The following PLXDC2 variants were observed in gnomAD, a reference collection of about 807,000 sequenced individuals.
The protein encoded by PLXDC2 is plexin domain containing 2, also known as plexin domain-containing protein 2.
Under a neutral mutation model 68.9 loss-of-function variants are expected in PLXDC2, and 40 were observed. The ratio of observed to expected loss-of-function variants is 0.58; its 90% confidence interval spans 0.45 to 0.76. The LOEUF (loss-of-function observed/expected upper bound fraction) is 0.76. Among genes scored for constraint, PLXDC2 ranks in the 30% least tolerant of loss-of-function variants. The pLI, the probability that PLXDC2 is intolerant of heterozygous loss-of-function variation, is 0.00. For synonymous variants in PLXDC2, 243 were observed against 234.2 expected (o/e 1.04, Z -0.34); for missense variants, 644 against 661.9 (o/e 0.97, Z 0.30).
intron 9 of PLXDC2, among the ~76,000 whole-genome samples, chr10:20,186,130 C>G (rs974020847): frequency 7.2e-5 from 11 of 151,850 alleles, no homozygotes; most frequent in Admixed American, 2.0e-4. Context: ...GGACAAAATC[C>G]ATTTTTGTCT....
chr10:20,043,502 A>G lies in PLXDC2; in HGVS notation c.325-3367A>G, dbSNP rs1209427861. ...ACTAATCACAGAAATCCAGAGATTA[A>G]GGAAAATGCCAAGGTTATTTTATAA... On this transcript the variant is annotated intron_variant, in intron 2 of 13. Coordinates refer to ENST00000377252, the MANE Select transcript of PLXDC2 (RefSeq NM_032812.9). The G allele has an allele frequency of 5.3e-5, 8 of 152,192 alleles. No homozygotes were observed. The East Asian group carries it at 1.2e-3, about 22-fold the overall frequency. The allele number at this position is 152,192 out of a possible 1,614,324, so 9.4% of individuals were successfully genotyped here.
chr10:19,874,273 A>G (rs1837594110), intron 1 of PLXDC2, among the ~76,000 whole-genome samples: 1 of 152,192 alleles, frequency 6.6e-6, no homozygotes, highest in African/African-American at 2.4e-5. Flanking sequence ...TTTGAGATAA[A>G]GCCTTTTTTC....
At chr10:20,172,611 G>A (rs529528924) in intron 7 of PLXDC2, among the ~76,000 whole-genome samples, 1 of 152,150 alleles carries the variant, frequency 6.6e-6, no homozygotes, top group Non-Finnish European at 1.5e-5. Flanking sequence ...GTGTTTATCA[G>A]TTAATGTCTT....
intron 4 of PLXDC2, among the ~76,000 whole-genome samples, chr10:20,120,656 CG>C (rs1468920938): frequency 1.3e-5 from 2 of 151,826 alleles, no homozygotes; most frequent in Non-Finnish European, 2.9e-5. Flanking sequence ...TTATCTGACT[CG>C]GGGCATATTG....
At chr10:19,924,339 C>T (rs1057403059) in intron 1 of PLXDC2, among the ~76,000 whole-genome samples, 2 of 152,136 alleles carry the variant, frequency 1.3e-5, no homozygotes, top group Non-Finnish European at 2.9e-5. Flanking sequence ...GCCTCCCATT[C>T]CCAACCCCCT....
At chr10:20,020,658 A>G (rs964163501) in intron 2 of PLXDC2, among the ~76,000 whole-genome samples, 1 of 152,128 alleles carries the variant, frequency 6.6e-6, no homozygotes, top group Non-Finnish European at 1.5e-5. Context: ...TTAAAGCTTT[A>G]GGCTATTTTT....
chr10:19,920,426 TC>T (rs1254472876), intron 1 of PLXDC2, among the ~76,000 whole-genome samples: 1 of 152,162 alleles, frequency 6.6e-6, no homozygotes, highest in Non-Finnish European at 1.5e-5. Context: ...TGGCTGGACA[TC>T]CAGAGGAGCA....
chr10:19,837,157 C>T (rs931738755), intron 1 of PLXDC2, among the ~76,000 whole-genome samples: 1 of 151,096 alleles, frequency 6.6e-6, no homozygotes, highest in African/African-American at 2.4e-5. Context: ...ACTAAAAGGG[C>T]TGATTGTAAT....
At position 19,907,539 on chromosome 10, in the gene PLXDC2, A is replaced by G. The variant is rs193120457; in HGVS notation, c.112+90348A>G. ...GCAGAACAGCAAAATAACCACACCT[A>G]AGCAATAGCATTAAATATGATTAAG... On this transcript the variant is annotated intron_variant, in intron 1 of 13. Coordinates refer to ENST00000377252, the MANE Select transcript of PLXDC2 (RefSeq NM_032812.9). Among the ~76,000 whole-genome samples, 16 of 152,324 alleles carry G rather than the reference A, an allele frequency of 1.1e-4. No homozygotes were observed. In the East Asian group the frequency reaches 3.1e-3, roughly 29 times the overall value.
chr10:20,124,021 A>C lies in PLXDC2; in HGVS notation c.542-19274A>C, dbSNP rs1042650283. Reference sequence around the variant, plus strand: ...GGGGTTTCTTGCCCCCCAGAAAGGCAGAGAAGGTGTAGAGACACGGAGAGA... The same window carrying C: ...GGGGTTTCTTGCCCCCCAGAAAGGCCGAGAAGGTGTAGAGACACGGAGAGA... On this transcript the variant is annotated intron_variant, in intron 4 of 13. Transcript: ENST00000377252. Among the ~76,000 whole-genome samples, 4 of 151,970 alleles carry C rather than the reference A, an allele frequency of 2.6e-5. No individual in the cohort carries two copies. In the South Asian group the frequency reaches 8.3e-4, roughly 32 times the overall value.
intron 1 of PLXDC2, among the ~76,000 whole-genome samples, chr10:19,860,582 T>A (rs1837300647): frequency 6.6e-6 from 1 of 152,220 alleles, no homozygotes. Flanking sequence ...ACTCGAGATC[T>A]GCCTTTGCAC....
intron 1 of PLXDC2, among the ~76,000 whole-genome samples, chr10:19,847,754 C>G (rs778172414): frequency 6.6e-6 from 1 of 152,156 alleles, no homozygotes; most frequent in Non-Finnish European, 1.5e-5. Context: ...AGGCAATTTA[C>G]GTGCATGATT....
Position 19,816,895 on chromosome 10 carries a change from C to T in PLXDC2, c.-185C>T, listed in dbSNP as rs1310365448. 1.0e-5 allele frequency: 6 copies of T among 600,234 alleles called. No individual in the cohort carries two copies. Among genetic ancestry groups the T allele is most frequent in the Admixed American group, 6.0e-5 (2 of 33,270 alleles). The allele number at this position is 600,234 out of a possible 1,614,324, so 37.2% of individuals were successfully genotyped here. On this transcript the variant is annotated 5_prime_UTR_variant, in exon 1 of 14. Transcript: ENST00000377252. ...TCAGAGGTCCGAAGAGCGCTGCGCT[C>T]CTACTCGCGTTCGCTTCTTCCTCTT...
chr10:19,841,342 A>G (rs1267405959), intron 1 of PLXDC2, among the ~76,000 whole-genome samples: 1 of 152,038 alleles, frequency 6.6e-6, no homozygotes, highest in African/African-American at 2.4e-5. Flanking sequence ...TTGGTTTTCT[A>G]CCTTTTTCAC....
chr10:20,224,812 C>T (rs566574733), intron 12 of PLXDC2, among the ~76,000 whole-genome samples: 125 of 152,214 alleles, frequency 8.2e-4, no homozygotes, highest in African/African-American at 2.7e-3. Context: ...TCTCTTTGAT[C>T]GAGTTAAGGT....
At chr10:20,121,977 GGA>G (rs1833703497) in intron 4 of PLXDC2, among the ~76,000 whole-genome samples, 1 of 152,072 alleles carries the variant, frequency 6.6e-6, no homozygotes, top group Non-Finnish European at 1.5e-5. Context: ...CGGTTGCCAA[GGA>G]GGGAGTAGAG....
At chr10:20,042,765 C>T (rs1051407342) in intron 2 of PLXDC2, among the ~76,000 whole-genome samples, 1 of 152,200 alleles carries the variant, frequency 6.6e-6, no homozygotes, top group Non-Finnish European at 1.5e-5. Context: ...TCGATTGCTA[C>T]AGAATGGCTA....
Position 19,885,728 on chromosome 10 carries a change from C to A in PLXDC2, c.112+68537C>A, listed in dbSNP as rs539823208. Among the ~76,000 whole-genome samples the A allele has an allele frequency of 5.3e-5, 8 of 152,180 alleles. No homozygotes were observed. In the South Asian group the frequency reaches 1.7e-3, roughly 32 times the overall value. On this transcript the variant is annotated intron_variant, in intron 1 of 13. Transcript: ENST00000377252. The stretch of plus-strand genomic sequence containing the variant: ...ATTGATCTATATCTCTGTTTTGGTA[C>A]CAGTACCATGCTGTTTTGGTTACTG...
chr10:20,098,276 T>C (rs573215552), intron 4 of PLXDC2, among the ~76,000 whole-genome samples: 61 of 152,066 alleles, frequency 4.0e-4, no homozygotes, highest in African/African-American at 1.4e-3. Context: ...AGACCTTCAC[T>C]TGTGACCACA....
Sources: allele counts gnomAD v4.1 joint callset (sites outside exome capture counted in the v4.1 genomes callset), GRCh38; gene constraint gnomAD v4.1.1; transcripts MANE v1.5; gene names NCBI Gene and HGNC (gene_info 2026-07-23, HGNC 2026-07-21).